ADAMTS17: variants seen among roughly 807,000 people sequenced by gnomAD.
The protein encoded by ADAMTS17 is ADAM metallopeptidase with thrombospondin type 1 motif 17.
Under a neutral mutation model 141.5 loss-of-function variants are expected in ADAMTS17, and 113 were observed. The observed-to-expected ratio is 0.80, with a 90% CI of 0.69 to 0.93. ADAMTS17 has a LOEUF of 0.93. Ranked by LOEUF, ADAMTS17 falls within the 40% of genes least tolerant of loss-of-function variation. The pLI, the probability that ADAMTS17 is intolerant of heterozygous loss-of-function variation, is 0.00. For synonymous variants in ADAMTS17, 768 were observed against 630.6 expected (o/e 1.22, Z -3.27); for missense variants, 1,659 against 1,517.9 (o/e 1.09, Z -1.54).
Position 100,127,665 on chromosome 15 carries a change from T to C in ADAMTS17, c.1721+4342A>G, listed in dbSNP as rs1000324432. On this transcript the variant is annotated intron_variant, in intron 12 of 21. Transcript: ENST00000268070. ...GGTGTGATCGCAGCTCACTGCAAAC[T>C]GCACCTCCCGGGTACAAGCGATTCT... 7.9e-5 allele frequency among the ~76,000 whole-genome samples: 12 copies of C among 152,350 alleles called. No homozygotes were observed. In the South Asian group the frequency reaches 2.3e-3, roughly 29 times the overall value.
rs1022738022 is a variant in ADAMTS17 at position 100,085,778 on chromosome 15, A to T, written c.2137+10578T>A. On this transcript the variant is annotated intron_variant, in intron 15 of 21. Transcript: ENST00000268070. ...ATAAGTGAAGGAGAAATAAAATATT[A>T]TACAGACAAGCAAATGCTGAGAGAT... Among the ~76,000 whole-genome samples, 7 of 150,850 alleles carry T rather than the reference A, an allele frequency of 4.6e-5. No homozygotes were observed. The South Asian group carries it at 1.0e-3, about 23-fold the overall frequency.
intron 3 of ADAMTS17, among the ~76,000 whole-genome samples, chr15:100,300,593 G>A (rs2044996565): frequency 6.6e-6 from 1 of 152,228 alleles, no homozygotes. Context: ...CCACCAGGGT[G>A]AGCAAACCAG....
chr15:100,309,147 C>G (rs566319521), intron 3 of ADAMTS17, among the ~76,000 whole-genome samples: 9 of 152,300 alleles, frequency 5.9e-5, no homozygotes, highest in African/African-American at 1.9e-4. Context: ...GGATTGAGCC[C>G]AGGAGTTCAC....
chr15:100,274,405 T>C (rs2044012114), intron 4 of ADAMTS17, among the ~76,000 whole-genome samples: 1 of 152,238 alleles, frequency 6.6e-6, no homozygotes, highest in Non-Finnish European at 1.5e-5. Flanking sequence ...TTGGAACTTT[T>C]ATTAATATAT....
At chr15:100,306,486 A>G (rs1596486528) in intron 3 of ADAMTS17, 1 of 455,634 alleles carries the variant, frequency 2.2e-6, no homozygotes, top group African/African-American at 2.0e-5. Flanking sequence ...CAAGTCATCC[A>G]CCTCCAGGCC....
At chr15:100,049,452 T>C (rs966616575) in intron 17 of ADAMTS17, among the ~76,000 whole-genome samples, 1 of 152,154 alleles carries the variant, frequency 6.6e-6, no homozygotes, top group Non-Finnish European at 1.5e-5. Context: ...AGGAGTCTGG[T>C]CTGGAAGACA....
intron 10 of ADAMTS17, among the ~76,000 whole-genome samples, chr15:100,142,451 C>G (rs539830608): frequency 6.6e-6 from 1 of 152,176 alleles, no homozygotes; most frequent in Non-Finnish European, 1.5e-5. Context: ...CTCAGCTAAA[C>G]AGTGTTTCCT....
chr15:100,243,590 G>C (rs931909687), intron 7 of ADAMTS17, among the ~76,000 whole-genome samples: 4 of 152,158 alleles, frequency 2.6e-5, no homozygotes, highest in Non-Finnish European at 5.9e-5. Flanking sequence ...AGGAGTTCCA[G>C]ACCAGTGTGG....
At chr15:100,078,201 T>A (rs1017541603) in intron 15 of ADAMTS17, among the ~76,000 whole-genome samples, 1 of 146,464 alleles carries the variant, frequency 6.8e-6, no homozygotes, top group Non-Finnish European at 1.5e-5. Context: ...GTAATCCCTA[T>A]AAAAAAATCC....
intron 4 of ADAMTS17, among the ~76,000 whole-genome samples, chr15:100,277,234 G>C (rs563805067): frequency 6.6e-6 from 1 of 152,082 alleles, no homozygotes; most frequent in Non-Finnish European, 1.5e-5. Context: ...CCTCAGCCCC[G>C]GGCTCTTGAG....
At chr15:100,080,495 C>A (rs897401439) in intron 15 of ADAMTS17, among the ~76,000 whole-genome samples, 1 of 152,120 alleles carries the variant, frequency 6.6e-6, no homozygotes, top group East Asian at 1.9e-4. Flanking sequence ...CCAATCCAGG[C>A]AGGACTACAA....
chr15:100,175,986 G>A (rs964630176), intron 8 of ADAMTS17, among the ~76,000 whole-genome samples: 1 of 152,188 alleles, frequency 6.6e-6, no homozygotes, highest in African/African-American at 2.4e-5. Context: ...ACAAGATAGG[G>A]GACCAACCCC....
At chr15:100,167,034 T>C (rs2039976737) in intron 8 of ADAMTS17, among the ~76,000 whole-genome samples, 2 of 152,234 alleles carry the variant, frequency 1.3e-5, no homozygotes, top group Non-Finnish European at 2.9e-5. Context: ...CCTGATATTG[T>C]GGCCACTGGC....
At position 100,262,271 on chromosome 15, in the gene ADAMTS17, C is replaced by G. The variant is rs189124135; in HGVS notation, c.873+81G>C. 6.1e-6 allele frequency: 8 copies of G among 1,314,408 alleles called. No homozygotes were observed. The South Asian group carries it at 6.1e-5, about 10-fold the overall frequency. 81.4% of individuals were successfully genotyped at this position (1,314,408 alleles called of 1,614,324 possible). A position where few individuals can be genotyped will look rare whatever the true frequency, so the allele number is the denominator to read the frequency against. ...GGAGACTGGCAACTCCCTGGAGCCCCGCTTAGCATTCAACAGCAGTTGAGA... is the reference window on the plus strand; with the variant it reads ...GGAGACTGGCAACTCCCTGGAGCCCGGCTTAGCATTCAACAGCAGTTGAGA... On this transcript the variant is annotated intron_variant, in intron 5 of 21. Transcript: ENST00000268070.
chr15:99,984,961 G>A (rs1257051344), intron 20 of ADAMTS17, among the ~76,000 whole-genome samples: 4 of 152,232 alleles, frequency 2.6e-5, no homozygotes, highest in Non-Finnish European at 5.9e-5. Flanking sequence ...CCCAGGAGAT[G>A]GAGGCACTGG....
chr15:100,253,804 C>T (rs747175214), intron 7 of ADAMTS17, among the ~76,000 whole-genome samples: 10 of 152,078 alleles, frequency 6.6e-5, no homozygotes, highest in Non-Finnish European at 1.2e-4. Context: ...TGTAACTTAG[C>T]AGGCTGCCTC....
intron 15 of ADAMTS17, among the ~76,000 whole-genome samples, chr15:100,088,178 A>ATTC (rs2035229975): frequency 1.3e-5 from 2 of 152,194 alleles, no homozygotes; most frequent in African/African-American, 4.8e-5. Context: ...AATCACAAGC[A>ATTC]TTCTTATACA....
chr15:100,320,942 A>T (rs915987690), intron 3 of ADAMTS17, among the ~76,000 whole-genome samples: 1 of 152,376 alleles, frequency 6.6e-6, no homozygotes, highest in East Asian at 1.9e-4. Context: ...AAGGACATTA[A>T]GCCCAGGGAA....
intron 15 of ADAMTS17, among the ~76,000 whole-genome samples, chr15:100,077,754 T>C (rs891568382): frequency 2.0e-5 from 3 of 152,168 alleles, no homozygotes; most frequent in South Asian, 2.1e-4. Context: ...TACTGGGAGT[T>C]CTATCTAGGG....
Sources: gnomAD v4.1 joint callset for allele counts (sites outside exome capture counted in the v4.1 genomes callset) on GRCh38, gnomAD v4.1.1 for gene constraint, MANE v1.5 for transcripts, NCBI Gene and HGNC (gene_info 2026-07-23, HGNC 2026-07-21) for gene names.